The following SCAP variants were observed in gnomAD, a reference collection of about 807,000 sequenced individuals.
SCAP encodes SREBF chaperone, also known as sterol regulatory element-binding protein cleavage-activating protein.
A neutral mutation model predicts 123.6 loss-of-function variants in SCAP; 65 were observed. The ratio of observed to expected loss-of-function variants is 0.53; its 90% CI spans 0.43 to 0.65. The LOEUF (loss-of-function observed/expected upper bound fraction) is 0.65, where lower values mean the gene tolerates loss of function less well. Among genes scored for constraint, SCAP ranks in the 30% least tolerant of loss-of-function variants. The probability of loss-of-function intolerance (pLI) is 0.00; values close to 1 mark genes in which losing one functional copy is unlikely to be tolerated. For missense variants in SCAP, 1,398 were observed against 1,712.5 expected (o/e 0.82, Z 3.24); for synonymous variants, 740 against 726.3 (o/e 1.02, Z -0.30).
In SCAP at chr3:47,443,025, G is replaced by A; in HGVS notation, c.-32C>T. 2 of 1,612,520 alleles carry A rather than the reference G, an allele frequency of 1.2e-6. No individual in the cohort carries two copies. Among genetic ancestry groups the A allele is most frequent in the Non-Finnish European group, 1.7e-6 (2 of 1,179,862 alleles). On this transcript the variant is annotated 5_prime_UTR_variant, in exon 2 of 23. Coordinates refer to ENST00000265565, the MANE Select transcript of SCAP (RefSeq NM_012235.4). ...CCGAAGTCACCTTGCTGCCATCCCG[G>A]AAAGTGACCATGGATCACCCTGGCA...
intron 1 of SCAP, among the ~76,000 whole-genome samples, chr3:47,459,559 G>C (rs1019936552): frequency 1.3e-5 from 2 of 152,156 alleles, no homozygotes; most frequent in African/African-American, 4.8e-5. Flanking sequence ...ATATGAGTAG[G>C]ACCGTGATAC....
chr3:47,463,066 G>C (rs1467136736), intron 1 of SCAP, among the ~76,000 whole-genome samples: 1 of 152,036 alleles, frequency 6.6e-6, no homozygotes. Context: ...TGCCTAATAA[G>C]CACTTCAAAT....
intron 1 of SCAP, among the ~76,000 whole-genome samples, chr3:47,455,913 G>A (rs935515598): frequency 2.6e-5 from 4 of 152,118 alleles, no homozygotes; most frequent in Admixed American, 6.6e-5. Context: ...AAACAGTGTG[G>A]TCCTAACACA....
chr3:47,455,147 AAACT>A (rs1707373592), intron 1 of SCAP, among the ~76,000 whole-genome samples: 1 of 149,864 alleles, frequency 6.7e-6, no homozygotes, highest in Non-Finnish European at 1.5e-5. Context: ...AAGGTAGTGA[AAACT>A]AATATATATC....
intron 1 of SCAP, among the ~76,000 whole-genome samples, chr3:47,456,733 T>TGAGATCGTGC (rs1707440579): frequency 6.6e-6 from 1 of 151,220 alleles, no homozygotes; most frequent in Admixed American, 6.6e-5. Context: ...CGAGATCGTG[T>TGAGATCGTGC]GAGATCGTGC....
intron 10 of SCAP, 49 bp downstream of exon 10, chr3:47,422,393 A>C (rs774665852): frequency 6.5e-7 from 1 of 1,529,032 alleles, no homozygotes. Flanking sequence ...GCTGGGGAGC[A>C]CAGCAGTTGC....
At chr3:47,457,627 G>C (rs1023959851) in intron 1 of SCAP, among the ~76,000 whole-genome samples, 1 of 152,220 alleles carries the variant, frequency 6.6e-6, no homozygotes, top group African/African-American at 2.4e-5. Context: ...ACTTCTCTGG[G>C]CCGGGCACGG....
rs181718311 is a variant in SCAP, at chr3:47,422,654, G to T, written c.1151-118C>A. On this transcript the variant is annotated intron_variant, in intron 9 of 22. Transcript: ENST00000265565. The stretch of plus-strand genomic sequence containing the variant: ...GGCAAGGCCCCCCAGCCCTTTGAAG[G>T]AGCCATTCCACCAAAGCACCCCAAC... The T allele has an allele frequency of 5.5e-4, 438 of 791,840 alleles. 3 individuals carry two copies. The African/African-American group carries it at 6.4e-3, about 12-fold the overall frequency. The allele number at this position is 791,840 out of a possible 1,614,324, so 49.1% of individuals were successfully genotyped here.
intron 1 of SCAP, among the ~76,000 whole-genome samples, chr3:47,464,881 TACAC>T (rs1297849600): frequency 6.6e-6 from 1 of 151,970 alleles, no homozygotes; most frequent in African/African-American, 2.4e-5. Context: ...CCCTAAAGAT[TACAC>T]ACACACACAG....
Position 47,418,301 on chromosome 3 carries a change from GC to G in SCAP, c.2331+19del. 6.4e-7 allele frequency: 1 copy of G among 1,553,726 alleles called. No individual in the cohort carries two copies. Among genetic ancestry groups the G allele is most frequent in the East Asian group, 2.4e-5 (1 of 41,134 alleles). On this transcript the variant is annotated intron_variant, in intron 15 of 22. Transcript: ENST00000265565. ...CCAGGCTCCGGCCCTCCCCTACCCG[GC>G]CACTGTGCCCCTGCTCACCATGAGG...
At chr3:47,469,740 G>C in intron 1 of SCAP, 1 of 432,310 alleles carries the variant, frequency 2.3e-6, no homozygotes, top group Non-Finnish European at 4.5e-6. Flanking sequence ...TTCACCTTCT[G>C]CCATGATTGT....
At chr3:47,443,144 T>G (rs1706871903) in intron 1 of SCAP, 53 bp from the exon 2 acceptor site, 2 of 1,380,660 alleles carry the variant, frequency 1.4e-6, no homozygotes, top group Admixed American at 5.1e-5. Context: ...CTCTGCACAC[T>G]AGGGCTGCTG....
In SCAP at chr3:47,450,253, C is replaced by T. The variant is rs1265104037; in HGVS notation, c.-98-7162G>A. The stretch of plus-strand genomic sequence containing the variant: ...CCTCAATGAATCTGCCTGCCTCAGC[C>T]TCCCAAAGTGCTGGGATTACAGGTG... On this transcript the variant is annotated intron_variant, in intron 1 of 22. Coordinates refer to ENST00000265565, the MANE Select transcript of SCAP (RefSeq NM_012235.4). Among the ~76,000 whole-genome samples the T allele has an allele frequency of 3.2e-5, 4 of 124,854 alleles. 1 individual carries two copies. The highest frequency in any genetic ancestry group is 7.1e-5 in the Non-Finnish European group (4 of 56,386). The allele number at this position is 124,854 out of a possible 152,430, so 81.9% of individuals were successfully genotyped here.
At chr3:47,462,753 CAAAAAA>C (rs369097240) in intron 1 of SCAP, among the ~76,000 whole-genome samples, 1 of 79,646 alleles carries the variant, frequency 1.3e-5, no homozygotes, top group Admixed American at 1.3e-4. Flanking sequence ...AACTCCGTCT[CAAAAAA>C]AAAAAAAAAA....
At chr3:47,415,249 C>A in intron 18 of SCAP, 69 bp from the exon 19 acceptor site, 1 of 1,441,706 alleles carries the variant, frequency 6.9e-7, no homozygotes, top group East Asian at 2.3e-5. Flanking sequence ...AGCATGTGGA[C>A]ATGAGAGTTA....
At chr3:47,444,017 A>C (rs1706926980) in intron 1 of SCAP, among the ~76,000 whole-genome samples, 1 of 152,112 alleles carries the variant, frequency 6.6e-6, no homozygotes. Context: ...GGACTGGCTC[A>C]TCAACTTTTT....
intron 18 of SCAP, 133 bp downstream of exon 18, chr3:47,416,989 G>T: frequency 2.6e-6 from 2 of 762,648 alleles, no homozygotes; most frequent in Non-Finnish European, 4.3e-6. Context: ...CACAGGTGTG[G>T]AGCTGGGCAC....
chr3:47,420,523 GAGGGC>G lies in SCAP; in HGVS notation c.1563+26_1563+30del, dbSNP rs745741259. ...GGCCTGGAGCACCGGCCCTCCAGAA[GAGGGC>G]AGGGCAGGGCAGGGGTGGCAGGTAC... On this transcript the variant is annotated intron_variant, in intron 12 of 22. Coordinates refer to ENST00000265565, the MANE Select transcript of SCAP (RefSeq NM_012235.4). The surrounding 1 kb of genome is among the most constrained non-coding windows in gnomAD (Gnocchi z 5.0). 5.4e-4 allele frequency: 832 copies of G among 1,552,404 alleles called. 1 individual carries two copies. The highest frequency in any genetic ancestry group is 8.2e-4 in the Admixed American group (43 of 52,692).
chr3:47,437,765 T>G (rs1377932618), intron 2 of SCAP, among the ~76,000 whole-genome samples: 5 of 152,026 alleles, frequency 3.3e-5, no homozygotes, highest in African/African-American at 1.2e-4. Flanking sequence ...CATTTTGGGC[T>G]GGATAATTGT....
Sources: allele counts gnomAD v4.1 joint callset (sites outside exome capture counted in the v4.1 genomes callset), GRCh38; gene constraint gnomAD v4.1.1; non-coding constraint Gnocchi (gnomAD v3.1); transcripts MANE v1.5; gene names NCBI Gene and HGNC (gene_info 2026-07-23, HGNC 2026-07-21).